The following DOCK8 variants were observed in gnomAD, a reference collection of about 807,000 sequenced individuals.
DOCK8 encodes the protein dedicator of cytokinesis protein 8.
DOCK8 carries 141 observed loss-of-function variants against 245.6 expected under a neutral mutation model. The ratio of observed to expected loss-of-function variants is 0.57; its 90% confidence interval spans 0.50 to 0.66. DOCK8 has a LOEUF of 0.66. DOCK8 is among the 30% of genes least tolerant of loss of function. DOCK8 has a pLI of 0.00. For synonymous variants in DOCK8, 1,168 were observed against 970.2 expected, an observed-to-expected ratio of 1.20 and a Z score of -3.79; for missense variants, 2,965 against 2,603.4, an observed-to-expected ratio of 1.14 and a Z score of -3.02.
rs2055455022 is a variant in DOCK8 at position 406,974 on chromosome 9, C to T, written c.3435C>T (p.Ser1145=). 4 of 1,614,048 alleles carry T rather than the reference C, an allele frequency of 2.5e-6. No individual in the cohort carries two copies. Among genetic ancestry groups the T allele is most frequent in the Non-Finnish European group, 3.4e-6 (4 of 1,180,024 alleles). ...CSSFQDQKIA[S]MFDLTSEYRQ... is the part of the protein sequence containing the mutation. ...GCTTCCAGGACCAGAAGATCGCCAG[C>T]ATGTTCGATCTGACTTCCGAGTACC... Residue 1145 remains serine (S), a synonymous_variant, in exon 28 of 48, where the codon AGC becomes AGT. Transcript: ENST00000432829.
intron 24 of DOCK8, among the ~76,000 whole-genome samples, chr9:394,116 G>A (rs1012436364): frequency 2.0e-5 from 3 of 152,170 alleles, no homozygotes; most frequent in Non-Finnish European, 4.4e-5. Context: ...AACTACCTGG[G>A]CCTCTCTGTT....
intron 7 of DOCK8, 60 bp from the exon 8 acceptor site, chr9:325,611 C>G: frequency 2.1e-6 from 3 of 1,444,702 alleles, no homozygotes; most frequent in Non-Finnish European, 2.9e-6. Flanking sequence ...TAGGTGTTTT[C>G]AGAAAATTCA....
intron 2 of DOCK8, among the ~76,000 whole-genome samples, chr9:277,465 A>AGAGGGGAGGGGAAGGGAAGG (rs1563865198): frequency 1.5e-5 from 1 of 64,684 alleles, no homozygotes; most frequent in African/African-American, 9.0e-5. Context: ...AAGAGAGAAG[A>AGAGGGGAGGGGAAGGGAAGG]GAAGAGAAGA....
At chr9:436,183 C>G (rs546333130) in intron 39 of DOCK8, among the ~76,000 whole-genome samples, 47 of 152,330 alleles carry the variant, frequency 3.1e-4, no homozygotes, top group African/African-American at 1.1e-3. Flanking sequence ...AATAACTCCT[C>G]CTTTCTTATG....
At chr9:247,595 G>A (rs1018612791) in intron 1 of DOCK8, among the ~76,000 whole-genome samples, 3 of 152,080 alleles carry the variant, frequency 2.0e-5, no homozygotes, top group Non-Finnish European at 4.4e-5. Context: ...GTGCAGTGAC[G>A]TGATCTCGGC....
intron 9 of DOCK8, among the ~76,000 whole-genome samples, chr9:329,995 A>T (rs993037914): frequency 2.0e-5 from 3 of 152,194 alleles, no homozygotes; most frequent in Admixed American, 2.0e-4. Context: ...CCCTTTAAAT[A>T]TATAGTAAAT....
intron 43 of DOCK8, 48 bp downstream of exon 43, chr9:443,564 G>T: frequency 6.9e-7 from 1 of 1,441,810 alleles, no homozygotes; most frequent in Non-Finnish European, 9.8e-7. Context: ...AAATCCCTTC[G>T]TTCTCTACCC....
chr9:365,233 A>G (rs1481275892), intron 14 of DOCK8, among the ~76,000 whole-genome samples: 1 of 152,224 alleles, frequency 6.6e-6, no homozygotes, highest in Non-Finnish European at 1.5e-5. Flanking sequence ...GTAGAAGTCA[A>G]GATCTATTGA....
At position 419,631 on chromosome 9, in the gene DOCK8, C is replaced by T. The variant is rs118020799; in HGVS notation, c.3841-770C>T. 1.8e-3 allele frequency among the ~76,000 whole-genome samples: 272 copies of T among 152,306 alleles called. 2 individuals are homozygous for T. The highest frequency in any genetic ancestry group is 3.0e-3 in the Non-Finnish European group (205 of 68,028). On this transcript the variant is annotated intron_variant, in intron 30 of 47. Coordinates refer to ENST00000432829, the MANE Select transcript of DOCK8 (RefSeq NM_203447.4). Reference sequence around the variant, plus strand: ...ATTTCCCTCCCATACCCACAAATTCCTCATTGCAATTTCACCAGTACATTC... The same window carrying T: ...ATTTCCCTCCCATACCCACAAATTCTTCATTGCAATTTCACCAGTACATTC...
At chr9:376,151 T>C in intron 18 of DOCK8, 59 bp from the exon 19 acceptor site, 1 of 1,228,128 alleles carries the variant, frequency 8.1e-7, no homozygotes, top group Non-Finnish European at 1.2e-6. Flanking sequence ...CTGCATTGCT[T>C]GTTAGTAATC....
chr9:293,275 C>G (rs2049122000), intron 4 of DOCK8, among the ~76,000 whole-genome samples: 1 of 152,214 alleles, frequency 6.6e-6, no homozygotes, highest in African/African-American at 2.4e-5. Flanking sequence ...ATTCCTAGCA[C>G]ACACTCCTCC....
chr9:275,271 G>T (rs1354974035), intron 2 of DOCK8, among the ~76,000 whole-genome samples: 1 of 152,192 alleles, frequency 6.6e-6, no homozygotes, highest in South Asian at 2.1e-4. Flanking sequence ...TGAATAAAAG[G>T]TGACTTCAGC....
At chr9:418,738 G>A (rs565118859) in intron 30 of DOCK8, among the ~76,000 whole-genome samples, 2 of 152,344 alleles carry the variant, frequency 1.3e-5, no homozygotes, top group East Asian at 3.9e-4. Context: ...AGTCCCAGTG[G>A]TGCTGAGTTC....
intron 8 of DOCK8, among the ~76,000 whole-genome samples, chr9:326,007 A>G (rs1436754332): frequency 6.6e-6 from 1 of 152,244 alleles, no homozygotes. Flanking sequence ...GGGGTTATGT[A>G]TAAAACAAAC....
At chr9:331,520 T>C (rs2051014216) in intron 9 of DOCK8, among the ~76,000 whole-genome samples, 1 of 152,250 alleles carries the variant, frequency 6.6e-6, no homozygotes, top group Non-Finnish European at 1.5e-5. Context: ...GTGTCCCTTT[T>C]GTACTGTGTT....
At chr9:248,383 G>A (rs1291038752) in intron 1 of DOCK8, among the ~76,000 whole-genome samples, 2 of 152,022 alleles carry the variant, frequency 1.3e-5, no homozygotes, top group Non-Finnish European at 2.9e-5. Context: ...GCTTTCAAAG[G>A]AACACCATTT....
intron 14 of DOCK8, among the ~76,000 whole-genome samples, chr9:343,965 G>T (rs1359336692): frequency 6.6e-6 from 1 of 152,198 alleles, no homozygotes; most frequent in African/African-American, 2.4e-5. Flanking sequence ...GACTTAGAGT[G>T]CATTAGTGCA....
chr9:446,026 T>C (rs1331112492), intron 43 of DOCK8, among the ~76,000 whole-genome samples: 1 of 152,240 alleles, frequency 6.6e-6, no homozygotes, highest in East Asian at 1.9e-4. Context: ...TGTGAGGTAG[T>C]CATTGTCATT....
intron 46 of DOCK8, among the ~76,000 whole-genome samples, chr9:462,199 A>AGTGGCTC (rs1428295654): frequency 6.6e-6 from 1 of 152,104 alleles, no homozygotes; most frequent in East Asian, 1.9e-4. Context: ...CCTGATTGAG[A>AGTGGCTC]ATGTGTTCCT....
Sources: gnomAD v4.1 joint callset for allele counts (sites outside exome capture counted in the v4.1 genomes callset) on GRCh38, gnomAD v4.1.1 for gene constraint, MANE v1.5 for transcripts, NCBI Gene and HGNC (gene_info 2026-07-23, HGNC 2026-07-21) for gene names.